Variants in ZNF729 observed in about 807,000 individuals in gnomAD.
ZNF729 encodes the protein zinc finger protein 729.
ZNF729 carries 15 observed loss-of-function variants against 12.2 expected under a neutral mutation model. The observed-to-expected ratio is 1.23, with a 90% CI of 0.82 to 1.89. ZNF729 has a LOEUF of 1.89. ZNF729 is among the 40% of genes most tolerant of loss of function. ZNF729 has a pLI of 0.00. For missense variants in ZNF729, 1,540 were observed against 1,456.7 expected, an observed-to-expected ratio of 1.06 and a Z score of -0.93; for synonymous variants, 492 against 476.3, an observed-to-expected ratio of 1.03 and a Z score of -0.43.
At position 22,310,268 on chromosome 19, in the gene ZNF729, C is replaced by T. The variant is rs554630578; in HGVS notation, c.254-3403C>T. Among the ~76,000 whole-genome samples, 16 of 152,068 alleles carry T rather than the reference C, an allele frequency of 1.1e-4. No individual in the cohort carries two copies. In the South Asian group the frequency reaches 3.1e-3, roughly 30 times the overall value. On this transcript the variant is annotated intron_variant, in intron 3 of 3. Coordinates refer to ENST00000601693, the MANE Select transcript of ZNF729 (RefSeq NM_001242680.2). ...GAAGAAGCATGGCGAGAGTGGGCAT[C>T]CTTGTCTTGTTGCAGTTCTCAGAGG...
intron 1 of ZNF729, among the ~76,000 whole-genome samples, chr19:22,288,641 G>C (rs1291844866): frequency 1.3e-5 from 2 of 152,054 alleles, no homozygotes; most frequent in African/African-American, 4.8e-5. Context: ...GCTAACCCTT[G>C]AGACATTAAG....
intron 1 of ZNF729, 140 bp downstream of exon 1, chr19:22,286,695 T>C (rs1435350233): frequency 2.7e-6 from 3 of 1,126,046 alleles, no homozygotes; most frequent in Non-Finnish European, 4.0e-6. Context: ...TCGGCCTCAG[T>C]CTCCTTCAGC....
chr19:22,309,538 G>A (rs1968425105), intron 3 of ZNF729, among the ~76,000 whole-genome samples: 1 of 152,040 alleles, frequency 6.6e-6, no homozygotes, highest in African/African-American at 2.4e-5. Context: ...TTTATTTCTG[G>A]GTTCTCTATT....
intron 3 of ZNF729, among the ~76,000 whole-genome samples, chr19:22,311,997 G>A (rs1230912329): frequency 6.6e-6 from 1 of 152,000 alleles, no homozygotes; most frequent in Non-Finnish European, 1.5e-5. Context: ...TTTGTCATAT[G>A]TAAGAATAGC....
chr19:22,292,982 T>C (rs1262457931), intron 1 of ZNF729, among the ~76,000 whole-genome samples: 4 of 152,204 alleles, frequency 2.6e-5, no homozygotes, highest in African/African-American at 9.6e-5. Flanking sequence ...TTTACACTCA[T>C]GCCAGCAGCA....
At chr19:22,289,160 A>G (rs1484603397) in intron 1 of ZNF729, among the ~76,000 whole-genome samples, 1 of 152,066 alleles carries the variant, frequency 6.6e-6, no homozygotes, top group East Asian at 1.9e-4. Context: ...GAAAATATTT[A>G]CCAAGGGCAA....
chr19:22,294,657 CTT>C (rs71180535), intron 1 of ZNF729, among the ~76,000 whole-genome samples: 9 of 92,418 alleles, frequency 9.7e-5, no homozygotes, highest in African/African-American at 2.8e-4. Flanking sequence ...TTTTCTTTTT[CTT>C]TTTTTTTTTT....
chr19:22,303,733 A>G (rs9304996), intron 1 of ZNF729, 25 bp from the exon 2 acceptor site: 915,943 of 1,517,208 alleles, frequency 0.6, 281,953 homozygotes, highest in South Asian at 0.82. Context: ...GGAAATGTAT[A>G]TGTGTCTTTC....
At position 22,303,769 on chromosome 19, in the gene ZNF729, A is replaced by G; in HGVS notation, c.42A>G (p.Thr14=). 1.3e-6 allele frequency: 2 copies of G among 1,565,390 alleles called. No individual in the cohort carries two copies. The highest frequency in any genetic ancestry group is 8.7e-7 in the Non-Finnish European group (1 of 1,150,782). The change falls in exon 2 of 4, where the codon ACA becomes ACG. Residue 14 remains threonine (T), a synonymous_variant. Transcript: ENST00000601693. ...GTTGTGTTTTTCAGGGACCATTGAC[A>G]TTTAGAGATGTGACCATAGAATTCT... is the stretch of plus-strand genomic sequence containing the variant. ...APGSLEMGPL[T]FRDVTIEFSL... is the part of the protein sequence containing the mutation.
chr19:22,291,563 C>T (rs1428902364), intron 1 of ZNF729, among the ~76,000 whole-genome samples: 1 of 152,144 alleles, frequency 6.6e-6, no homozygotes, highest in Non-Finnish European at 1.5e-5. Context: ...CAGCAGCAAC[C>T]TGTTTTCTCC....
intron 1 of ZNF729, among the ~76,000 whole-genome samples, chr19:22,287,289 G>C (rs1178146791): frequency 1.3e-5 from 2 of 149,420 alleles, no homozygotes; most frequent in Non-Finnish European, 3.0e-5. Context: ...TTTTTGAGAC[G>C]GAGTTTTGCT....
intron 3 of ZNF729, among the ~76,000 whole-genome samples, chr19:22,308,548 T>C (rs1380174247): frequency 6.6e-6 from 1 of 152,074 alleles, no homozygotes; most frequent in Non-Finnish European, 1.5e-5. Flanking sequence ...TTTTTGATTT[T>C]TTTTTTATTA....
chr19:22,294,610 T>G (rs778974679), intron 1 of ZNF729, among the ~76,000 whole-genome samples: 3 of 151,838 alleles, frequency 2.0e-5, no homozygotes, highest in African/African-American at 4.8e-5. Flanking sequence ...TAGAATAGTT[T>G]TCCATTTATT....
Position 22,317,054 on chromosome 19 carries a change from G to C in ZNF729, c.3637G>C (p.Glu1213Gln). 1 of 1,606,520 alleles carries C rather than the reference G, an allele frequency of 6.2e-7. No homozygotes were observed. The highest frequency in any genetic ancestry group is 8.5e-7 in the Non-Finnish European group (1 of 1,178,006). The change falls in exon 4 of 4, where the codon GAG (glutamate) becomes CAG (glutamine). Residue 1213 changes from glutamate (E) to glutamine (Q), a missense_variant. Coordinates refer to ENST00000601693, the MANE Select transcript of ZNF729 (RefSeq NM_001242680.2). ...TAGACATAAAACAATTCATACCAGAGAGAAACCTACAAATGTGAAGAAAGT... is the reference window on the plus strand; with the variant it reads ...TAGACATAAAACAATTCATACCAGACAGAAACCTACAAATGTGAAGAAAGT... ...LIRHKTIHTR[E>Q]KPTNVKKVPK...
At position 22,315,176 on chromosome 19, in the gene ZNF729, C is replaced by T. The variant is rs749035392; in HGVS notation, c.1759C>T (p.Leu587Phe). The T allele has an allele frequency of 6.2e-7, 1 of 1,611,560 alleles. No individual in the cohort carries two copies. Among genetic ancestry groups the T allele is most frequent in the Non-Finnish European group, 8.5e-7 (1 of 1,179,490 alleles). Residue 587 changes from leucine to phenylalanine, a missense_variant, in exon 4 of 4, where the codon CTC (leucine) becomes TTC (phenylalanine). Physicochemically the swap from Leu to Phe is conservative, Grantham distance 22 (BLOSUM62 0). Transcript: ENST00000601693. ...CAAAGCTTTTAAGCATTTCTCAGCC[C>T]TCAGAAAACATAAGGTAATTCATAC... ...CGKAFKHFSA[L>F]RKHKVIHTRE...
At chr19:22,297,323 A>G (rs572920170) in intron 1 of ZNF729, among the ~76,000 whole-genome samples, 1 of 150,846 alleles carries the variant, frequency 6.6e-6, no homozygotes, top group Non-Finnish European at 1.5e-5. Flanking sequence ...TTTCAAGTGC[A>G]CACAGTGTGC....
In ZNF729 at chr19:22,315,352, A is replaced by G; in HGVS notation, c.1935A>G (p.Arg645=). The change falls in exon 4 of 4, where the codon AGA becomes AGG. Residue 645 remains arginine (R), a synonymous_variant. Coordinates refer to ENST00000601693, the MANE Select transcript of ZNF729 (RefSeq NM_001242680.2). ...TTAGGCAATCCTCACACCTTACTAG[A>G]CATAAAGCAATTCATACTGGAGAGA... ...KAFRQSSHLT[R]HKAIHTGEKP... is the part of the protein sequence containing the mutation. 6.2e-7 allele frequency: 1 copy of G among 1,613,548 alleles called. No individual in the cohort carries two copies. Among genetic ancestry groups the G allele is most frequent in the Non-Finnish European group, 8.5e-7 (1 of 1,179,760 alleles).
chr19:22,304,567 G>A (rs1968355833), intron 2 of ZNF729, 121 bp from the exon 3 acceptor site: 5 of 841,930 alleles, frequency 5.9e-6, no homozygotes, highest in Admixed American at 3.0e-5. Context: ...ATTTAGAAAT[G>A]TATGTTATAA....
rs1968524060 is a variant in ZNF729 at position 22,315,694 on chromosome 19, G to A, written c.2277G>A (p.Lys759=). 6.2e-7 allele frequency: 1 copy of A among 1,606,284 alleles called. No homozygotes were observed. The highest frequency in any genetic ancestry group is 1.1e-5 in the South Asian group (1 of 90,894). ...ATTTCTCAGCCCTTAGAAAACATAA[G>A]GTAATTCATACTAGGGAGAAATTGT... The part of the protein sequence containing the change: ...FKHFSALRKH[K]VIHTREKLYK... The change falls in exon 4 of 4, where the codon AAG becomes AAA. Residue 759 remains lysine (K), a synonymous_variant. Coordinates refer to ENST00000601693, the MANE Select transcript of ZNF729 (RefSeq NM_001242680.2).
Sources: allele counts gnomAD v4.1 joint callset (sites outside exome capture counted in the v4.1 genomes callset), GRCh38; gene constraint gnomAD v4.1.1; transcripts MANE v1.5; gene names NCBI Gene and HGNC (gene_info 2026-07-23, HGNC 2026-07-21).